The following BIRC6 variants were observed in gnomAD, a reference collection of about 807,000 sequenced individuals.
BIRC6 encodes dual E2 ubiquitin-conjugating enzyme/E3 ubiquitin-protein ligase BIRC6.
BIRC6 carries 98 observed loss-of-function variants against 503.3 expected under a neutral mutation model. That is an observed-to-expected ratio of 0.19 (90% confidence interval 0.17 to 0.23). BIRC6 has a LOEUF of 0.23. BIRC6 is among the 10% of genes least tolerant of loss of function. BIRC6 has a pLI of 1.00. For missense variants in BIRC6, 5,360 were observed against 5,806.0 expected (o/e 0.92, Z 2.50); for synonymous variants, 2,240 against 2,078.7 (o/e 1.08, Z -2.11).
intron 53 of BIRC6, among the ~76,000 whole-genome samples, chr2:32,511,202 T>G (rs1366876347): frequency 4.0e-5 from 1 of 24,730 alleles, no homozygotes; most frequent in South Asian, 2.1e-3. Flanking sequence ...TTTTCTTTTC[T>G]TTTTTTTTTT....
chr2:32,605,219 C>T (rs528876966), intron 71 of BIRC6, among the ~76,000 whole-genome samples: 5 of 152,144 alleles, frequency 3.3e-5, no homozygotes, highest in Non-Finnish European at 7.4e-5. Flanking sequence ...CCTCCTCCCA[C>T]GTTTCACCAT....
intron 5 of BIRC6, among the ~76,000 whole-genome samples, chr2:32,393,621 A>G (rs1318539742): frequency 6.6e-6 from 1 of 152,118 alleles, no homozygotes. Flanking sequence ...CAGCTTCCAA[A>G]CAATTCTCCC....
chr2:32,450,232 A>G (rs1001713146), intron 22 of BIRC6, among the ~76,000 whole-genome samples: 5 of 152,186 alleles, frequency 3.3e-5, no homozygotes, highest in African/African-American at 1.2e-4. Context: ...TAATCCCAGC[A>G]CTTTGGGAGG....
At position 32,469,915 on chromosome 2, in the gene BIRC6, A is replaced by G. The variant is rs192010550; in HGVS notation, c.6348-253A>G. 5.9e-5 allele frequency among the ~76,000 whole-genome samples: 9 copies of G among 152,356 alleles called. No homozygotes were observed. In the East Asian group the frequency reaches 1.2e-3, roughly 20 times the overall value. On this transcript the variant is annotated intron_variant, in intron 30 of 73. Transcript: ENST00000421745. Reference sequence around the variant, plus strand: ...CTAAATGTGTTTGTTTGTGGCTAATAAAATTCTCTCATTCACTAAGTGCTT... The same window carrying G: ...CTAAATGTGTTTGTTTGTGGCTAATGAAATTCTCTCATTCACTAAGTGCTT...
chr2:32,513,146 G>A lies in BIRC6; in HGVS notation c.10560G>A (p.Glu3520=). 4.3e-6 allele frequency: 7 copies of A among 1,612,376 alleles called. No homozygotes were observed. The highest frequency in any genetic ancestry group is 5.9e-6 in the Non-Finnish European group (7 of 1,178,806). ...EYDLPALLDQ[E]LFELLFNWSM... ...ACTTACCAGCACTCCTGGACCAAGA[G>A]CTCTTTGAGTAAGTATGATTTGTGA... The change falls in exon 54 of 74, where the codon GAG becomes GAA. Residue 3520 remains glutamate, a synonymous_variant. Coordinates refer to ENST00000421745, the MANE Select transcript of BIRC6 (RefSeq NM_016252.4).
At chr2:32,507,155 C>T (rs1212323764) in intron 50 of BIRC6, among the ~76,000 whole-genome samples, 3 of 152,066 alleles carry the variant, frequency 2.0e-5, no homozygotes, top group African/African-American at 4.8e-5. Context: ...GGAGGCTGGG[C>T]GCAGTGGGTC....
chr2:32,444,952 C>G (rs2045801331), intron 20 of BIRC6, among the ~76,000 whole-genome samples: 1 of 152,164 alleles, frequency 6.6e-6, no homozygotes, highest in African/African-American at 2.4e-5. Flanking sequence ...AGTTGGGACG[C>G]TTAAGTTTTG....
In BIRC6 at chr2:32,510,609, A is replaced by G; in HGVS notation, c.10321A>G (p.Thr3441Ala). The G allele has an allele frequency of 6.2e-7, 1 of 1,603,394 alleles. No individual in the cohort carries two copies. Among genetic ancestry groups the G allele is most frequent in the Non-Finnish European group, 8.5e-7 (1 of 1,170,572 alleles). The change falls in exon 53 of 74, where the codon ACT becomes GCT. Residue 3441 changes from threonine to alanine, a missense_variant. Physicochemically the swap from Thr to Ala is moderately conservative, Grantham distance 58. Transcript: ENST00000421745. Reference sequence around the variant, plus strand: ...AGATATTCTTTACCAGCTTGGAACAACTCAGGATCCTGGTACAAAAGACAG... The same window carrying G: ...AGATATTCTTTACCAGCTTGGAACAGCTCAGGATCCTGGTACAAAAGACAG... ...TIDILYQLGT[T>A]QDPGTKDRIQ...
rs1491383243 is a variant in BIRC6, at chr2:32,424,271, A to AAT, written c.2873-4867_2873-4866dup. On this transcript the variant is annotated intron_variant, in intron 10 of 73. Transcript: ENST00000421745. ...TATGAATATATATATATGAAAAAAC[A>AAT]ATATATATACATATTGGGTTTGATA... Among the ~76,000 whole-genome samples, 79 of 152,114 alleles carry AAT rather than the reference A, an allele frequency of 5.2e-4. 1 individual carries two copies. Among genetic ancestry groups the AAT allele is most frequent in the African/African-American group, 1.8e-3 (76 of 41,506 alleles).
intron 10 of BIRC6, 23 bp from the exon 11 acceptor site, chr2:32,429,123 C>T: frequency 6.4e-7 from 1 of 1,552,778 alleles, no homozygotes; most frequent in Non-Finnish European, 8.7e-7. Flanking sequence ...TTTCATGTAT[C>T]TATGAAATTT....
At chr2:32,513,770 G>T (rs1229483822) in intron 54 of BIRC6, among the ~76,000 whole-genome samples, 1 of 152,160 alleles carries the variant, frequency 6.6e-6, no homozygotes, top group Non-Finnish European at 1.5e-5. Flanking sequence ...CTAGCCCGGC[G>T]TGGTGGCGCG....
In BIRC6 at chr2:32,395,555, T is replaced by C. The variant is rs1449606438; in HGVS notation, c.996T>C (p.Ser332=). The C allele has an allele frequency of 5.6e-6, 9 of 1,613,364 alleles. No homozygotes were observed. Among genetic ancestry groups the C allele is most frequent in the Middle Eastern group, 1.6e-4 (1 of 6,080 alleles). Residue 332 remains serine (S), a synonymous_variant, in exon 6 of 74, where the codon AGT becomes AGC. Transcript: ENST00000421745. The stretch of plus-strand genomic sequence containing the variant: ...ATAGAGCCATGTGTTTTACTTGTAG[T>C]GTATGCCTCGTTTGTTGGGAACCTA... ...GDDRAMCFTC[S]VCLVCWEPTD... is the part of the protein sequence containing the mutation.
intron 5 of BIRC6, among the ~76,000 whole-genome samples, chr2:32,393,619 A>C (rs1254067434): frequency 6.6e-6 from 1 of 152,178 alleles, no homozygotes; most frequent in Non-Finnish European, 1.5e-5. Context: ...CTCAGCTTCC[A>C]AACAATTCTC....
chr2:32,391,044 G>A (rs927099553), intron 4 of BIRC6, among the ~76,000 whole-genome samples: 3 of 151,848 alleles, frequency 2.0e-5, no homozygotes, highest in African/African-American at 7.3e-5. Context: ...AGAAAAATAC[G>A]TAATTAGAAC....
chr2:32,419,844 T>C (rs2150091671), intron 10 of BIRC6, among the ~76,000 whole-genome samples: 1 of 152,328 alleles, frequency 6.6e-6, no homozygotes, highest in East Asian at 1.9e-4. Flanking sequence ...CATCCTTGTT[T>C]TGGTACTTGT....
At chr2:32,412,028 T>G (rs564363485) in intron 9 of BIRC6, among the ~76,000 whole-genome samples, 1 of 152,088 alleles carries the variant, frequency 6.6e-6, no homozygotes, top group African/African-American at 2.4e-5. Flanking sequence ...AAAAGGATCC[T>G]TCCACCTCAG....
At chr2:32,539,166 C>G (rs1343653663) in intron 61 of BIRC6, among the ~76,000 whole-genome samples, 1 of 152,128 alleles carries the variant, frequency 6.6e-6, no homozygotes, top group Non-Finnish European at 1.5e-5. Flanking sequence ...TAAGTCATAA[C>G]AATCCTAAAT....
At chr2:32,511,856 T>A (rs2054489971) in intron 53 of BIRC6, among the ~76,000 whole-genome samples, 1 of 152,172 alleles carries the variant, frequency 6.6e-6, no homozygotes, top group South Asian at 2.1e-4. Flanking sequence ...AAACATAGAT[T>A]GCAATTGTTT....
At position 32,453,840 on chromosome 2, in the gene BIRC6, G is replaced by C. The variant is rs2046966029; in HGVS notation, c.4651G>C (p.Glu1551Gln). The change falls in exon 23 of 74, where the codon GAG becomes CAG. Residue 1551 changes from glutamate (E) to glutamine (Q), a missense_variant. Glu to Gln is a conservative substitution (Grantham distance 29). This residue lies in a region of BIRC6 where 2,299 missense variants were observed against 2,267.2 expected (regional missense o/e 1.01). Transcript: ENST00000421745. ...AAAGGTCAGTAGTTGCACAGCTGCT[G>C]AGGGTAGTTTCACATCTCTCACTGG... ...NGKVSSCTAA[E>Q]GSFTSLTGLL... 1 of 1,613,784 alleles carries C rather than the reference G, an allele frequency of 6.2e-7. No individual in the cohort carries two copies. The highest frequency in any genetic ancestry group is 1.3e-5 in the African/African-American group (1 of 75,030).
Sources: allele counts gnomAD v4.1 joint callset (sites outside exome capture counted in the v4.1 genomes callset), GRCh38; gene constraint gnomAD v4.1.1; regional missense constraint gnomAD v4.1.1; transcripts MANE v1.5; gene names NCBI Gene and HGNC (gene_info 2026-07-23, HGNC 2026-07-21).